Variants in PRICKLE1 observed in about 807,000 individuals in gnomAD.
PRICKLE1 encodes prickle-like protein 1.
PRICKLE1 carries 14 observed loss-of-function variants against 70.2 expected under a neutral mutation model. The ratio of observed to expected loss-of-function variants is 0.20; its 90% CI spans 0.13 to 0.31. The LOEUF (loss-of-function observed/expected upper bound fraction) is 0.31, where lower values mean the gene tolerates loss of function less well. Among genes scored for constraint, PRICKLE1 ranks in the 10% least tolerant of loss-of-function variants. The probability of loss-of-function intolerance (pLI) is 1.00; values close to 1 mark genes in which losing one functional copy is unlikely to be tolerated. For missense variants in PRICKLE1, 821 were observed against 1,026.2 expected (o/e 0.80, Z 2.73); for synonymous variants, 357 against 379.9 (o/e 0.94, Z 0.70).
intron 1 of PRICKLE1, among the ~76,000 whole-genome samples, chr12:42,496,676 C>T (rs1447639944): frequency 6.6e-5 from 10 of 152,226 alleles, no homozygotes; most frequent in East Asian, 3.8e-4. Context: ...CATCACCACT[C>T]GCTACTTCAC....
At chr12:42,588,319 A>G (rs1941016723) in intron 1 of PRICKLE1, among the ~76,000 whole-genome samples, 1 of 152,232 alleles carries the variant, frequency 6.6e-6, no homozygotes, top group Non-Finnish European at 1.5e-5. Context: ...ACAGCCTTCC[A>G]AAGTACTGAT....
Position 42,459,714 on chromosome 12 carries a change from TTAAAC to T in PRICKLE1, c.*90_*94del. On this transcript the variant is annotated 3_prime_UTR_variant, in exon 8 of 8. Coordinates refer to ENST00000345127, the MANE Select transcript of PRICKLE1 (RefSeq NM_153026.3). ...CATTTACATGGGCAAAGAAAGCACT[TTAAAC>T]TATTTTCACAACTTTCCTACGGAAG... The T allele has an allele frequency of 6.9e-7, 1 of 1,447,208 alleles. No individual in the cohort carries two copies. Among genetic ancestry groups the T allele is most frequent in the Non-Finnish European group, 9.7e-7 (1 of 1,034,254 alleles). 89.6% of individuals were successfully genotyped at this position (1,447,208 alleles called of 1,614,324 possible).
intron 1 of PRICKLE1, among the ~76,000 whole-genome samples, chr12:42,586,426 A>G (rs371124342): frequency 1.3e-5 from 2 of 151,750 alleles, no homozygotes; most frequent in East Asian, 1.9e-4. Flanking sequence ...GGGGTCTAAC[A>G]ATGTTGGCTG....
chr12:42,461,483 C>A (rs533716546), intron 7 of PRICKLE1, among the ~76,000 whole-genome samples: 1 of 152,282 alleles, frequency 6.6e-6, no homozygotes, highest in South Asian at 2.1e-4. Context: ...AACAGCCACA[C>A]CTATTTGTTT....
intron 1 of PRICKLE1, among the ~76,000 whole-genome samples, chr12:42,551,638 G>A (rs774202526): frequency 2.6e-5 from 4 of 152,144 alleles, no homozygotes; most frequent in Non-Finnish European, 5.9e-5. Flanking sequence ...GGAGAGTGGA[G>A]GAAAGAGAAA....
At chr12:42,495,380 CAAAAAA>C (rs756105644) in intron 1 of PRICKLE1, among the ~76,000 whole-genome samples, 26 of 69,060 alleles carry the variant, frequency 3.8e-4, no homozygotes, top group African/African-American at 1.1e-3. Flanking sequence ...GACCTTGTCT[CAAAAAA>C]AAAAAAAAAA....
intron 1 of PRICKLE1, among the ~76,000 whole-genome samples, chr12:42,565,586 T>C (rs1032966742): frequency 1.3e-5 from 2 of 152,228 alleles, no homozygotes; most frequent in East Asian, 1.9e-4. Flanking sequence ...ACTGTTTCTA[T>C]GGGTTCACTC....
intron 1 of PRICKLE1, among the ~76,000 whole-genome samples, chr12:42,561,202 TTTAG>T (rs1459326211): frequency 6.6e-6 from 1 of 152,218 alleles, no homozygotes; most frequent in Non-Finnish European, 1.5e-5. Flanking sequence ...GGGACTTATA[TTTAG>T]TAATAACCTT....
chr12:42,587,324 C>G (rs1246148234), intron 1 of PRICKLE1, among the ~76,000 whole-genome samples: 1 of 151,820 alleles, frequency 6.6e-6, no homozygotes, highest in East Asian at 1.9e-4. Flanking sequence ...CTTCCTTTTT[C>G]CCTCCCTCTC....
intron 1 of PRICKLE1, among the ~76,000 whole-genome samples, chr12:42,501,240 C>T (rs1939300334): frequency 6.6e-6 from 1 of 152,078 alleles, no homozygotes. Context: ...TGCGGTGGCT[C>T]ATGCTTGTAA....
intron 1 of PRICKLE1, among the ~76,000 whole-genome samples, chr12:42,543,365 CTCT>C (rs1197974875): frequency 9.1e-6 from 1 of 109,652 alleles, no homozygotes; most frequent in Non-Finnish European, 2.1e-5. Flanking sequence ...TCATGTATAA[CTCT>C]TTTTTTTTTT....
At chr12:42,484,782 G>C (rs1938941301) in intron 1 of PRICKLE1, among the ~76,000 whole-genome samples, 1 of 152,122 alleles carries the variant, frequency 6.6e-6, no homozygotes, top group African/African-American at 2.4e-5. Context: ...TACAGAAAGG[G>C]TCAAGAGAAG....
chr12:42,469,437 A>T lies in PRICKLE1; in HGVS notation c.384+13T>A. On this transcript the variant is annotated intron_variant, in intron 4 of 7. Transcript: ENST00000345127. ...ACTGCCACAAGCTACGCATCAGAGA[A>T]GGGGCTGCTCACCTGCTCACACACA... 6.2e-7 allele frequency: 1 copy of T among 1,613,900 alleles called. No individual in the cohort carries two copies. Among genetic ancestry groups the T allele is most frequent in the East Asian group, 2.2e-5 (1 of 44,886 alleles).
intron 1 of PRICKLE1, among the ~76,000 whole-genome samples, chr12:42,558,975 A>G (rs1367700279): frequency 6.6e-6 from 1 of 152,358 alleles, no homozygotes; most frequent in East Asian, 1.9e-4. Context: ...ATTTGCAACA[A>G]GTCCTAGCTT....
intron 2 of PRICKLE1, 103 bp downstream of exon 2, chr12:42,472,282 T>A: frequency 7.8e-7 from 1 of 1,287,728 alleles, no homozygotes; most frequent in Non-Finnish European, 1.1e-6. Flanking sequence ...GAGGGTGGTA[T>A]TCCAGCATCT....
intron 5 of PRICKLE1, 71 bp from the exon 6 acceptor site, chr12:42,466,451 G>C (rs1341795399): frequency 7.1e-7 from 1 of 1,403,058 alleles, no homozygotes; most frequent in Admixed American, 1.7e-5. Context: ...CCAAGTAACT[G>C]CATGTTTTCC....
intron 1 of PRICKLE1, among the ~76,000 whole-genome samples, chr12:42,555,204 T>C (rs1940394509): frequency 6.6e-6 from 1 of 152,118 alleles, no homozygotes; most frequent in Admixed American, 6.6e-5. Flanking sequence ...CTTGGGAGGC[T>C]GAGACAGGAG....
At chr12:42,583,680 A>G (rs1408334706) in intron 1 of PRICKLE1, among the ~76,000 whole-genome samples, 1 of 152,266 alleles carries the variant, frequency 6.6e-6, no homozygotes, top group Non-Finnish European at 1.5e-5. Flanking sequence ...TGGGTTATAC[A>G]GTAATATTTA....
At chr12:42,470,783 G>C (rs548864893) in intron 2 of PRICKLE1, among the ~76,000 whole-genome samples, 1 of 151,978 alleles carries the variant, frequency 6.6e-6, no homozygotes, top group African/African-American at 2.4e-5. Flanking sequence ...ATGCACGCCT[G>C]TAATCCTAGC....
Sources: gnomAD v4.1 joint callset for allele counts (sites outside exome capture counted in the v4.1 genomes callset) on GRCh38, gnomAD v4.1.1 for gene constraint, MANE v1.5 for transcripts, NCBI Gene and HGNC (gene_info 2026-07-23, HGNC 2026-07-21) for gene names.